Variants in EYS observed in about 807,000 individuals in gnomAD.
The protein encoded by EYS is EGF-like photoreceptor maintenance factor, also known as protein eyes shut homolog.
Under a neutral mutation model 282.1 loss-of-function variants are expected in EYS, and 250 were observed. The observed-to-expected ratio is 0.89, with a 90% CI of 0.80 to 0.98. The LOEUF is 0.98. Ranked by LOEUF, EYS falls within the 50% of genes least tolerant of loss-of-function variation. The pLI, the probability that EYS is intolerant of heterozygous loss-of-function variation, is 0.00. For synonymous variants in EYS, 1,355 were observed against 1,282.9 expected, an observed-to-expected ratio of 1.06 and a Z score of -1.20; for missense variants, 4,016 against 3,709.0, an observed-to-expected ratio of 1.08 and a Z score of -2.15.
At position 64,161,990 on chromosome 6, in the gene EYS, CAGA is replaced by C. The variant is rs1050855067; in HGVS notation, c.6424+68599_6424+68601del. On this transcript the variant is annotated intron_variant, in intron 31 of 42. Coordinates refer to ENST00000503581, the MANE Select transcript of EYS (RefSeq NM_001142800.2). ...ATATATTTTGGTTTGTGGGAATTTC[CAGA>C]AGATGTTGATAGGATAGGGATAGGT... is the stretch of plus-strand genomic sequence containing the variant. Among the ~76,000 whole-genome samples the C allele has an allele frequency of 9.9e-5, 15 of 152,046 alleles. No individual in the cohort carries two copies. The South Asian group carries it at 2.7e-3, about 27-fold the overall frequency.
intron 36 of EYS, among the ~76,000 whole-genome samples, chr6:63,845,463 T>G (rs763389044): frequency 6.6e-6 from 1 of 151,918 alleles, no homozygotes; most frequent in Admixed American, 6.6e-5. Context: ...AATTAAGGCA[T>G]GCAGATGTTA....
At chr6:63,878,907 C>T (rs1773053828) in intron 35 of EYS, among the ~76,000 whole-genome samples, 3 of 152,114 alleles carry the variant, frequency 2.0e-5, no homozygotes, top group African/African-American at 7.2e-5. Flanking sequence ...AGGGAATTCC[C>T]CGACTCCTTA....
chr6:64,440,282 G>A lies in EYS; in HGVS notation c.5645-930C>T, dbSNP rs144991549. On this transcript the variant is annotated intron_variant, in intron 26 of 42. Coordinates refer to ENST00000503581, the MANE Select transcript of EYS (RefSeq NM_001142800.2). Reference sequence around the variant, plus strand: ...CTTCAAGAAATTTTATATCCTATGTGTGCTGTCTTTATTTGGAATTTTTAA... The same window carrying A: ...CTTCAAGAAATTTTATATCCTATGTATGCTGTCTTTATTTGGAATTTTTAA... Among the ~76,000 whole-genome samples, 1,313 of 151,992 alleles carry A rather than the reference G, an allele frequency of 8.6e-3. 27 individuals carry two copies. Among genetic ancestry groups the A allele is most frequent in the African/African-American group, 0.029 (1,204 of 41,486 alleles).
At chr6:64,770,996 C>T (rs9452777) in intron 22 of EYS, among the ~76,000 whole-genome samples, 1 of 151,526 alleles carries the variant, frequency 6.6e-6, no homozygotes, top group Non-Finnish European at 1.5e-5. Context: ...TTAACTGAGC[C>T]CTTGTCTGTT....
At chr6:65,703,313 G>A (rs1769747240) in intron 1 of EYS, among the ~76,000 whole-genome samples, 1 of 152,040 alleles carries the variant, frequency 6.6e-6, no homozygotes, top group South Asian at 2.1e-4. Flanking sequence ...ACCATAAACA[G>A]ATACATAGAA....
At chr6:64,766,649 A>AAAATATATATAT (rs1387919586) in intron 22 of EYS, among the ~76,000 whole-genome samples, 10 of 19,068 alleles carry the variant, frequency 5.2e-4, no homozygotes, top group African/African-American at 7.3e-4. Context: ...AAAAAAAAAA[A>AAAATATATATAT]ATATATATAT....
intron 22 of EYS, among the ~76,000 whole-genome samples, chr6:64,771,953 A>T (rs1030944557): frequency 6.5e-4 from 98 of 151,798 alleles, no homozygotes; most frequent in African/African-American, 2.3e-3. Context: ...ATTGTATTTT[A>T]AACATTTTTT....
intron 22 of EYS, among the ~76,000 whole-genome samples, chr6:64,680,544 G>A (rs1769862381): frequency 6.6e-6 from 1 of 152,118 alleles, no homozygotes; most frequent in Non-Finnish European, 1.5e-5. Flanking sequence ...AACAGATATT[G>A]TATCTCACTG....
intron 5 of EYS, among the ~76,000 whole-genome samples, chr6:65,435,956 A>T (rs1200529334): frequency 6.6e-6 from 1 of 152,138 alleles, no homozygotes; most frequent in Non-Finnish European, 1.5e-5. Context: ...TGACACTTTA[A>T]TCTCTAACTT....
chr6:64,054,542 T>C (rs1003986481), intron 33 of EYS, among the ~76,000 whole-genome samples: 1 of 152,130 alleles, frequency 6.6e-6, no homozygotes, highest in African/African-American at 2.4e-5. Flanking sequence ...CATAAAATGA[T>C]AAATGATGGA....
At chr6:64,449,956 C>A (rs1446632020) in intron 26 of EYS, among the ~76,000 whole-genome samples, 1 of 152,030 alleles carries the variant, frequency 6.6e-6, no homozygotes, top group Non-Finnish European at 1.5e-5. Context: ...AACTAACGAG[C>A]AAAATAAGCA....
intron 2 of EYS, among the ~76,000 whole-genome samples, chr6:65,576,730 C>T (rs549413728): frequency 7.3e-5 from 11 of 151,720 alleles, no homozygotes; most frequent in Non-Finnish European, 1.0e-4. Flanking sequence ...AGTAAAGCTT[C>T]GGGATACAAA....
At chr6:64,118,218 G>A (rs918715523) in intron 31 of EYS, among the ~76,000 whole-genome samples, 2 of 151,968 alleles carry the variant, frequency 1.3e-5, no homozygotes, top group African/African-American at 4.8e-5. Flanking sequence ...AAAGCCACAA[G>A]CCATCTTGAA....
At chr6:63,952,141 G>A (rs191996689) in intron 35 of EYS, among the ~76,000 whole-genome samples, 7 of 152,370 alleles carry the variant, frequency 4.6e-5, no homozygotes, top group African/African-American at 9.6e-5. Flanking sequence ...CAGCGGTTAA[G>A]CATTCCTACA....
At chr6:65,374,466 G>A (rs1369727625) in intron 8 of EYS, among the ~76,000 whole-genome samples, 3 of 151,738 alleles carry the variant, frequency 2.0e-5, no homozygotes, top group Non-Finnish European at 4.4e-5. Flanking sequence ...CACAAAACTG[G>A]GAGGCTGTTG....
chr6:64,191,047 T>C (rs1446756436), intron 31 of EYS, among the ~76,000 whole-genome samples: 2 of 152,166 alleles, frequency 1.3e-5, no homozygotes, highest in African/African-American at 2.4e-5. Context: ...TAGTTTTCCA[T>C]AGTTCCTTTT....
chr6:65,592,965 T>C (rs576527894), intron 2 of EYS, among the ~76,000 whole-genome samples: 1 of 152,088 alleles, frequency 6.6e-6, no homozygotes, highest in African/African-American at 2.4e-5. Context: ...CATCTTTAAT[T>C]CTGCCTCCTG....
chr6:65,096,737 T>C (rs765467774), intron 12 of EYS, among the ~76,000 whole-genome samples: 9 of 150,992 alleles, frequency 6.0e-5, no homozygotes, highest in Non-Finnish European at 4.5e-5. Flanking sequence ...GCCAAGAATA[T>C]ACAATGAGGA....
chr6:64,570,255 C>T (rs1202934383), intron 26 of EYS, among the ~76,000 whole-genome samples: 1 of 152,152 alleles, frequency 6.6e-6, no homozygotes, highest in African/African-American at 2.4e-5. Context: ...GAGATTTTGT[C>T]ACCCCCAGGC....
Sources: gnomAD v4.1 joint callset for allele counts (sites outside exome capture counted in the v4.1 genomes callset) on GRCh38, gnomAD v4.1.1 for gene constraint, MANE v1.5 for transcripts, NCBI Gene and HGNC (gene_info 2026-07-23, HGNC 2026-07-21) for gene names.